The following POLR1A variants were observed in gnomAD, a reference collection of about 807,000 sequenced individuals.
POLR1A encodes DNA-directed RNA polymerase I subunit RPA1.
In POLR1A, 84 loss-of-function variants were observed where a neutral mutation model predicts 205.3. The observed-to-expected ratio is 0.41, with a 90% confidence interval of 0.34 to 0.49. The LOEUF (loss-of-function observed/expected upper bound fraction) is 0.49, where lower values mean the gene tolerates loss of function less well. Ranked by LOEUF, POLR1A falls within the 20% of genes least tolerant of loss-of-function variation. The pLI is 0.22. For synonymous variants in POLR1A, 799 were observed against 863.7 expected (o/e 0.93, Z 1.31); for missense variants, 1,645 against 2,204.5 (o/e 0.75, Z 5.08).
In POLR1A at chr2:86,025,433, C is replaced by A. The variant is rs373297425; in HGVS notation, c.*1990G>T. On this transcript the variant is annotated 3_prime_UTR_variant, in exon 34 of 34. Coordinates refer to ENST00000263857, the MANE Select transcript of POLR1A (RefSeq NM_015425.6). ...ATTCCCTAAGGCCACCACAGTGAGT[C>A]CCTGCTCATCAGGATGTGCAAGCTC... The A allele has an allele frequency of 1.3e-5, 2 of 152,224 alleles. No individual in the cohort carries two copies. The highest frequency in any genetic ancestry group is 4.8e-5 in the African/African-American group (2 of 41,452). 9.4% of individuals were successfully genotyped at this position (152,224 alleles called of 1,614,324 possible).
chr2:86,022,690 T>C lies in POLR1A; in HGVS notation c.*4733A>G, dbSNP rs1690170567. On this transcript the variant is annotated 3_prime_UTR_variant, in exon 34 of 34. Transcript: ENST00000263857. ...TGCAGCCTTGAACTCCTGGGCTCAC[T>C]TGCTCCTCTCACCTCAGCCTCTTGA... The C allele has an allele frequency of 6.6e-6, 1 of 152,124 alleles. No homozygotes were observed. The allele number at this position is 152,124 out of a possible 1,614,324, so 9.4% of individuals were successfully genotyped here. A position where few individuals can be genotyped will look rare whatever the true frequency, so the allele number is the denominator to read the frequency against.
At chr2:86,099,847 C>T in intron 2 of POLR1A, 121 bp downstream of exon 2, 3 of 740,214 alleles carry the variant, frequency 4.1e-6, no homozygotes, top group African/African-American at 1.8e-5. Context: ...TCTCATTCTA[C>T]AGAATGCTTT....
chr2:86,040,221 C>T lies in POLR1A; in HGVS notation c.3740+171G>A, dbSNP rs992973947. 5 of 514,684 alleles carry T rather than the reference C, an allele frequency of 9.7e-6. No individual in the cohort carries two copies. In the Admixed American group the frequency reaches 1.9e-4, roughly 20 times the overall value. The allele number at this position is 514,684 out of a possible 1,614,324, so 31.9% of individuals were successfully genotyped here. A position where few individuals can be genotyped will look rare whatever the true frequency, so the allele number is the denominator to read the frequency against. ...CAGGCCTGGGCACCAAAGAAACCAGCTGGGCTCTGGAAATTCTAACCCTGA... is the reference window on the plus strand; with the variant it reads ...CAGGCCTGGGCACCAAAGAAACCAGTTGGGCTCTGGAAATTCTAACCCTGA... On this transcript the variant is annotated intron_variant, in intron 25 of 33. Coordinates refer to ENST00000263857, the MANE Select transcript of POLR1A (RefSeq NM_015425.6).
chr2:86,038,087 C>T (rs1291080102), intron 27 of POLR1A, among the ~76,000 whole-genome samples: 1 of 152,222 alleles, frequency 6.6e-6, no homozygotes, highest in East Asian at 1.9e-4. Context: ...CCTCCTGCTC[C>T]CCGGAACTCA....
Position 86,065,261 on chromosome 2 carries a change from C to T in POLR1A, c.2058+13G>A. 1 of 1,610,238 alleles carries T rather than the reference C, an allele frequency of 6.2e-7. No homozygotes were observed. The highest frequency in any genetic ancestry group is 1.1e-5 in the South Asian group (1 of 90,696). ...CCTTTTGTTACATACACTGGCTGTT[C>T]TCTCCCAATTACCTGTTTTCCTGTC... On this transcript the variant is annotated intron_variant, in intron 14 of 33. Transcript: ENST00000263857.
intron 11 of POLR1A, among the ~76,000 whole-genome samples, chr2:86,076,132 T>G (rs1370616170): frequency 1.3e-5 from 2 of 152,230 alleles, no homozygotes; most frequent in African/African-American, 2.4e-5. Flanking sequence ...ACGCTCCAAG[T>G]AAAACAAGTT....
At chr2:86,057,172 G>A (rs145244415) in intron 14 of POLR1A, among the ~76,000 whole-genome samples, 2 of 152,124 alleles carry the variant, frequency 1.3e-5, no homozygotes, top group Non-Finnish European at 2.9e-5. Flanking sequence ...AGTATTAACA[G>A]GAGTTTGGAA....
intron 30 of POLR1A, among the ~76,000 whole-genome samples, chr2:86,030,900 C>T (rs1301186340): frequency 1.3e-5 from 2 of 152,190 alleles, no homozygotes; most frequent in African/African-American, 2.4e-5. Flanking sequence ...ACTGAAGTGT[C>T]CCTGCCTGAG....
Position 86,026,125 on chromosome 2 carries a change from GGC to G in POLR1A, c.*1296_*1297del, listed in dbSNP as rs1451821589. ...TCCCCTCTGCTTCTCCTGGCCACAGGGCCAGCAGCTAGCTCTGGAAGGAGGTC... is the reference window on the plus strand; with the variant it reads ...TCCCCTCTGCTTCTCCTGGCCACAGGCAGCAGCTAGCTCTGGAAGGAGGTC... On this transcript the variant is annotated 3_prime_UTR_variant, in exon 34 of 34. Transcript: ENST00000263857. 1 of 152,310 alleles carries G rather than the reference GGC, an allele frequency of 6.6e-6. No homozygotes were observed. The highest frequency in any genetic ancestry group is 1.5e-5 in the Non-Finnish European group (1 of 68,128). 9.4% of individuals were successfully genotyped at this position (152,310 alleles called of 1,614,324 possible).
intron 13 of POLR1A, among the ~76,000 whole-genome samples, chr2:86,066,171 C>T (rs77309268): frequency 0.041 from 6,314 of 152,206 alleles, 250 homozygotes; most frequent in East Asian, 0.23. Context: ...GGTGAGCTGG[C>T]CAGTGTTGGG....
At chr2:86,031,924 C>T (rs551024721) in intron 29 of POLR1A, among the ~76,000 whole-genome samples, 1 of 152,328 alleles carries the variant, frequency 6.6e-6, no homozygotes, top group East Asian at 1.9e-4. Context: ...GCCATTATGA[C>T]AGCAGGAGAC....
intron 13 of POLR1A, chr2:86,065,675 C>T (rs1673073552): frequency 5.3e-6 from 3 of 560,976 alleles, no homozygotes; most frequent in Non-Finnish European, 9.5e-6. Flanking sequence ...TCTACGTTTG[C>T]CATTTGCCCA....
In POLR1A at chr2:86,098,662, C is replaced by T; in HGVS notation, c.381G>A (p.Leu127=). The T allele has an allele frequency of 1.2e-6, 2 of 1,613,708 alleles. No homozygotes were observed. Among genetic ancestry groups the T allele is most frequent in the South Asian group, 2.2e-5 (2 of 91,010 alleles). The change falls in exon 3 of 34, where the codon CTG becomes CTA. Residue 127 remains leucine, a synonymous_variant. Transcript: ENST00000263857. ...IHLLLCQLRV[L]EVGALQAVYE... ...AGACTGCTTGTAGGGCCCCGACTTCCAGAACCCTCAGCTGGCAGAGTAAGA... is the reference window on the plus strand; with the variant it reads ...AGACTGCTTGTAGGGCCCCGACTTCTAGAACCCTCAGCTGGCAGAGTAAGA...
chr2:86,055,294 C>CAAAAAAAAAAAAAAAA (rs1265267243), intron 14 of POLR1A, among the ~76,000 whole-genome samples: 1 of 150,984 alleles, frequency 6.6e-6, no homozygotes, highest in East Asian at 2.0e-4. Flanking sequence ...AACTCTGTCT[C>CAAAAAAAAAAAAAAAA]AAGAAAAAAA....
At chr2:86,044,712 G>A (rs1672680196) in intron 21 of POLR1A, among the ~76,000 whole-genome samples, 1 of 152,222 alleles carries the variant, frequency 6.6e-6, no homozygotes, top group Non-Finnish European at 1.5e-5. Context: ...AACTTGGTCA[G>A]CCCAGGGATT....
At chr2:86,031,765 C>T (rs530455496) in intron 29 of POLR1A, 130 bp from the exon 30 acceptor site, 1 of 1,210,812 alleles carries the variant, frequency 8.3e-7, no homozygotes, top group African/African-American at 1.5e-5. Context: ...GCTCCACACT[C>T]CCGGCTCCTC....
At position 86,043,386 on chromosome 2, in the gene POLR1A, G is replaced by T. The variant is rs1001388392; in HGVS notation, c.3136-191C>A. Among the ~76,000 whole-genome samples the T allele has an allele frequency of 1.3e-4, 20 of 152,286 alleles. 1 individual carries two copies. Among genetic ancestry groups the T allele is most frequent in the Admixed American group, 7.2e-4 (11 of 15,292 alleles). On this transcript the variant is annotated intron_variant, in intron 22 of 33. Transcript: ENST00000263857. ...TTGTTAATCAGGGCCCTCACTTTGT[G>T]CAAACCAGATTTGGGAACCAATGGT...
Position 86,077,831 on chromosome 2 carries a change from A to G in POLR1A, c.1380+28T>C, listed in dbSNP as rs367635636. The G allele has an allele frequency of 3.6e-3, 5,606 of 1,535,986 alleles. 29 individuals are homozygous for G. Among genetic ancestry groups the G allele is most frequent in the Non-Finnish European group, 4.4e-3 (5,088 of 1,144,448 alleles). The stretch of plus-strand genomic sequence containing the variant: ...CGCGCGCACACACACACACACACAC[A>G]CACACACACACACACACACACACAC... On this transcript the variant is annotated intron_variant, in intron 11 of 33. Coordinates refer to ENST00000263857, the MANE Select transcript of POLR1A (RefSeq NM_015425.6).
At chr2:86,032,121 A>G in intron 29 of POLR1A, 151 bp downstream of exon 29, 1 of 639,876 alleles carries the variant, frequency 1.6e-6, no homozygotes, top group Non-Finnish European at 2.8e-6. Context: ...TTCTCAAGAG[A>G]GAGGTATGCT....
Sources: gnomAD v4.1 joint callset for allele counts (sites outside exome capture counted in the v4.1 genomes callset) on GRCh38, gnomAD v4.1.1 for gene constraint, MANE v1.5 for transcripts, NCBI Gene and HGNC (gene_info 2026-07-23, HGNC 2026-07-21) for gene names.